Variants in RBFOX2 observed in about 807,000 individuals in gnomAD.
RBFOX2 encodes RNA binding fox-1 homolog 2.
Under a neutral mutation model 49.1 loss-of-function variants are expected in RBFOX2, and 10 were observed. The observed-to-expected ratio is 0.20, with a 90% confidence interval of 0.13 to 0.35. RBFOX2 has a LOEUF of 0.35. Ranked by LOEUF, RBFOX2 falls within the 10% of genes least tolerant of loss-of-function variation. RBFOX2 has a pLI of 1.00. For synonymous variants in RBFOX2, 183 were observed against 187.4 expected (o/e 0.98, Z 0.19); for missense variants, 323 against 486.9 (o/e 0.66, Z 3.17).
intron 1 of RBFOX2, among the ~76,000 whole-genome samples, chr22:35,981,079 A>C (rs568112863): frequency 3.3e-5 from 5 of 152,362 alleles, no homozygotes; most frequent in Non-Finnish European, 7.3e-5. Context: ...GGCTTTTAGT[A>C]GTGGAATAAT....
upstream of RBFOX2, among the ~76,000 whole-genome samples, chr22:35,963,621 T>C (rs2056385848): frequency 6.6e-6 from 1 of 152,172 alleles, no homozygotes; most frequent in Non-Finnish European, 1.5e-5. Flanking sequence ...AAAACAAAGC[T>C]CCATTTATCT....
At chr22:35,966,338 G>A (rs937986733), upstream of RBFOX2, among the ~76,000 whole-genome samples, 17 of 152,102 alleles carry the variant, frequency 1.1e-4, no homozygotes, top group African/African-American at 3.6e-4. Flanking sequence ...TATACATTTC[G>A]GTTGGGTATG....
chr22:36,023,237 G>C (rs1329415529), intron 1 of RBFOX2, among the ~76,000 whole-genome samples: 1 of 152,086 alleles, frequency 6.6e-6, no homozygotes, highest in Non-Finnish European at 1.5e-5. Flanking sequence ...CATCTACAAA[G>C]CAACTTCAGG....
chr22:35,824,564 A>G (rs1276453649), intron 1 of RBFOX2, among the ~76,000 whole-genome samples: 2 of 152,220 alleles, frequency 1.3e-5, no homozygotes, highest in African/African-American at 4.8e-5. Context: ...TGGGAGTCCT[A>G]TGTTAGAAGT....
intron 1 of RBFOX2, among the ~76,000 whole-genome samples, chr22:36,010,410 C>T (rs1483258825): frequency 5.3e-5 from 8 of 152,134 alleles, no homozygotes; most frequent in South Asian, 2.1e-4. Flanking sequence ...ACAGAGACTG[C>T]GCGGGCCTAA....
At chr22:35,876,982 T>C (rs897104293) in intron 1 of RBFOX2, among the ~76,000 whole-genome samples, 2 of 152,220 alleles carry the variant, frequency 1.3e-5, no homozygotes, top group Non-Finnish European at 2.9e-5. Flanking sequence ...ACAAATTTAA[T>C]CACTGACTAA....
chr22:35,898,281 G>A lies in RBFOX2; in HGVS notation c.-34+40566C>T, dbSNP rs117359843. 5.3e-3 allele frequency: 3,955 copies of A among 749,506 alleles called. 101 individuals carry two copies. The highest frequency in any genetic ancestry group is 0.04 in the Admixed American group (2,318 of 57,446). The allele number at this position is 749,506 out of a possible 1,614,324, so 46.4% of individuals were successfully genotyped here. A position where few individuals can be genotyped will look rare whatever the true frequency, so the allele number is the denominator to read the frequency against. ...GAGGAACATTCACCTTTCCCATGAG[G>A]TATGAGGGCATGATGAAGCTGGCAA... On this transcript the variant is annotated intron_variant, in intron 1 of 13. Transcript: ENST00000359369.
chr22:35,814,919 C>T (rs1952721204), intron 1 of RBFOX2, among the ~76,000 whole-genome samples: 1 of 151,998 alleles, frequency 6.6e-6, no homozygotes, highest in African/African-American at 2.4e-5. Flanking sequence ...ATGTTTAGTA[C>T]AGACACAGTC....
chr22:35,977,699 C>T (rs2057240855), intron 1 of RBFOX2, among the ~76,000 whole-genome samples: 1 of 124,252 alleles, frequency 8.0e-6, no homozygotes, highest in Non-Finnish European at 1.6e-5. Flanking sequence ...AATTTTACTG[C>T]ATGTAAATTA....
At chr22:35,931,260 A>G (rs572550213) in intron 1 of RBFOX2, among the ~76,000 whole-genome samples, 25 of 151,966 alleles carry the variant, frequency 1.6e-4, no homozygotes, top group Non-Finnish European at 3.1e-4. Context: ...ACAGGGGGGA[A>G]AAAAAGCAAT....
At chr22:35,981,246 T>C (rs747688862) in intron 1 of RBFOX2, among the ~76,000 whole-genome samples, 1 of 152,184 alleles carries the variant, frequency 6.6e-6, no homozygotes, top group East Asian at 1.9e-4. Context: ...TTCTGTTCTA[T>C]TTCCCTCAGA....
rs778035354 is a variant in RBFOX2 at position 35,891,874 on chromosome 22, AAAT to A, written c.-34+46970_-34+46972del. Reference sequence around the variant, plus strand: ...CAAAAAAAAAAAAAAAGTTTACAACAAATAATGGGGATTTTTCTCCATCAGGAG... The same window carrying A: ...CAAAAAAAAAAAAAAAGTTTACAACAAATGGGGATTTTTCTCCATCAGGAG... On this transcript the variant is annotated intron_variant, in intron 1 of 13. Coordinates refer to the RBFOX2 transcript ENST00000359369. Among the ~76,000 whole-genome samples, 3 of 152,256 alleles carry A rather than the reference AAAT, an allele frequency of 2.0e-5. No homozygotes were observed. The South Asian group carries it at 6.2e-4, about 32-fold the overall frequency.
intron 1 of RBFOX2, among the ~76,000 whole-genome samples, chr22:35,961,354 A>G (rs1381437487): frequency 1.3e-5 from 2 of 152,224 alleles, no homozygotes; most frequent in Non-Finnish European, 2.9e-5. Context: ...CCTTTGTTAA[A>G]TAAATGTCTT....
intron 1 of RBFOX2, chr22:35,994,238 TAA>T (rs1289714412): frequency 6.6e-6 from 1 of 152,030 alleles, no homozygotes; most frequent in Admixed American, 6.5e-5. Flanking sequence ...CCAACACAGT[TAA>T]AATATTAGCA....
At chr22:35,906,389 T>C (rs1471928412) in intron 1 of RBFOX2, among the ~76,000 whole-genome samples, 1 of 152,222 alleles carries the variant, frequency 6.6e-6, no homozygotes, top group Non-Finnish European at 1.5e-5. Context: ...TTTATAAAAG[T>C]GAGTTCTCTA....
chr22:35,943,923 A>G (rs1421445580), intron 1 of RBFOX2, among the ~76,000 whole-genome samples: 1 of 152,224 alleles, frequency 6.6e-6, no homozygotes, highest in Admixed American at 6.5e-5. Flanking sequence ...CCCAACTGCC[A>G]ATGGACTGTG....
intron 2 of RBFOX2, among the ~76,000 whole-genome samples, chr22:35,788,452 A>AG (rs886333028): frequency 1.3e-5 from 2 of 152,176 alleles, no homozygotes; most frequent in Non-Finnish European, 2.9e-5. Flanking sequence ...AGGCTAACAG[A>AG]GAAAAAAAGC....
At chr22:35,793,973 A>G (rs1948276662) in intron 2 of RBFOX2, among the ~76,000 whole-genome samples, 2 of 152,342 alleles carry the variant, frequency 1.3e-5, no homozygotes, top group South Asian at 2.1e-4. Context: ...TGAAACAAAA[A>G]CCACAGCAAG....
intron 1 of RBFOX2, among the ~76,000 whole-genome samples, chr22:35,958,977 T>A (rs5756015): frequency 6.0e-4 from 91 of 151,060 alleles, no homozygotes; most frequent in South Asian, 3.8e-3. Flanking sequence ...ATATATATAT[T>A]GTGTAAAGCT....
Sources: allele counts gnomAD v4.1 joint callset (sites outside exome capture counted in the v4.1 genomes callset), GRCh38; gene constraint gnomAD v4.1.1; transcripts MANE v1.5; gene names NCBI Gene and HGNC (gene_info 2026-07-23, HGNC 2026-07-21).